Variants in RASSF8 observed in about 807,000 individuals in gnomAD.
The protein encoded by RASSF8 is Ras association domain family member 8.
A neutral mutation model predicts 48.5 loss-of-function variants in RASSF8; 22 were observed. The observed-to-expected ratio is 0.45, with a 90% CI of 0.32 to 0.65. The LOEUF is 0.65. Ranked by LOEUF, RASSF8 falls within the 30% of genes least tolerant of loss-of-function variation. The pLI is 0.03. For missense variants in RASSF8, 418 were observed against 489.2 expected (o/e 0.85, Z 1.37); for synonymous variants, 127 against 171.5 (o/e 0.74, Z 2.03).
intron 2 of RASSF8, among the ~76,000 whole-genome samples, chr12:26,033,407 T>A (rs890080211): frequency 6.6e-6 from 1 of 152,226 alleles, no homozygotes; most frequent in Non-Finnish European, 1.5e-5. Context: ...AATAATGAGA[T>A]CTTCCACATC....
chr12:26,024,560 C>CA (rs1942861125), intron 2 of RASSF8, among the ~76,000 whole-genome samples: 1 of 152,096 alleles, frequency 6.6e-6, no homozygotes, highest in African/African-American at 2.4e-5. Context: ...CAAAAATTCT[C>CA]AAAAAACACT....
intron 2 of RASSF8, among the ~76,000 whole-genome samples, chr12:26,048,750 TTTG>T (rs1565636008): frequency 1.3e-5 from 2 of 149,564 alleles, no homozygotes; most frequent in Admixed American, 6.9e-5. Context: ...GTTTGTTTGT[TTTG>T]TTTTGTTTTG....
At chr12:25,994,587 G>A (rs1032361573) in intron 1 of RASSF8, among the ~76,000 whole-genome samples, 5 of 152,280 alleles carry the variant, frequency 3.3e-5, no homozygotes, top group Middle Eastern at 3.4e-3. Context: ...GTGTATTTTT[G>A]TTTTTATTTT....
upstream of RASSF8, chr12:25,958,566 G>C (rs1045456475): frequency 6.7e-6 from 1 of 148,306 alleles, no homozygotes; most frequent in African/African-American, 2.4e-5. Context: ...CGGCCGAGGG[G>C]GGCGCCCCCG....
chr12:26,034,166 A>G (rs960088975), intron 2 of RASSF8, among the ~76,000 whole-genome samples: 5 of 152,050 alleles, frequency 3.3e-5, no homozygotes, highest in Admixed American at 3.3e-4. Flanking sequence ...GAGGTGGGCA[A>G]ATGGTAAGCA....
intron 1 of RASSF8, among the ~76,000 whole-genome samples, chr12:25,988,255 A>G (rs917756995): frequency 6.6e-6 from 1 of 152,202 alleles, no homozygotes; most frequent in Non-Finnish European, 1.5e-5. Context: ...TTTTGAGACC[A>G]TAAAGGGAAC....
intron 5 of RASSF8, chr12:26,078,975 A>G: frequency 6.7e-7 from 1 of 1,492,908 alleles, no homozygotes. Flanking sequence ...GTATACAAAA[A>G]CAAATTCACC....
intron 1 of RASSF8, among the ~76,000 whole-genome samples, chr12:25,963,558 C>G (rs576133797): frequency 6.6e-6 from 1 of 152,294 alleles, no homozygotes; most frequent in African/African-American, 2.4e-5. Context: ...TTTCCTCACA[C>G]CCTTAGAGTG....
chr12:26,061,768 C>T (rs1195904520), intron 3 of RASSF8, among the ~76,000 whole-genome samples: 1 of 151,954 alleles, frequency 6.6e-6, no homozygotes, highest in Non-Finnish European at 1.5e-5. Context: ...AATTTAATTC[C>T]TATATAAAAT....
At chr12:25,970,444 C>G (rs1941460232) in intron 1 of RASSF8, among the ~76,000 whole-genome samples, 1 of 152,136 alleles carries the variant, frequency 6.6e-6, no homozygotes, top group Non-Finnish European at 1.5e-5. Flanking sequence ...TCATCTAGTT[C>G]TGATTTTACC....
At chr12:26,074,590 G>T (rs370310794), downstream of RASSF8, among the ~76,000 whole-genome samples, 1 of 151,474 alleles carries the variant, frequency 6.6e-6, no homozygotes, top group African/African-American at 2.4e-5. Context: ...TGTTCCACCC[G>T]CCTCGTCCTC....
At chr12:26,041,044 C>T (rs887299407) in intron 2 of RASSF8, among the ~76,000 whole-genome samples, 7 of 117,070 alleles carry the variant, frequency 6.0e-5, no homozygotes, top group Admixed American at 2.4e-4. Context: ...CCCGCCACCG[C>T]GCCTGGTTAA....
Position 26,068,736 on chromosome 12 carries a change from C to T in RASSF8, c.1178C>T (p.Ser393Leu). 6.5e-7 allele frequency: 1 copy of T among 1,537,352 alleles called. No individual in the cohort carries two copies. Among genetic ancestry groups the T allele is most frequent in the South Asian group, 1.2e-5 (1 of 84,056 alleles). ...FQSGSLKRPG[S>L]SRQLPSNLRI... ...TCTGGGTCCCTGAAGCGACCTGGTT[C>T]ATCTCGGCAGCTCCCCAGTAATCTC... Residue 393 changes from serine to leucine, a missense_variant, in exon 6 of 6, where the codon TCA (serine) becomes TTA (leucine). Transcript: ENST00000689635.
intron 2 of RASSF8, among the ~76,000 whole-genome samples, chr12:26,050,004 T>TG (rs1358543711): frequency 6.6e-6 from 1 of 152,240 alleles, no homozygotes; most frequent in East Asian, 1.9e-4. Flanking sequence ...AGGATGGTCT[T>TG]GATCTCCAGA....
At chr12:26,066,336 A>C (rs1216827801) in intron 4 of RASSF8, among the ~76,000 whole-genome samples, 1 of 152,208 alleles carries the variant, frequency 6.6e-6, no homozygotes, top group South Asian at 2.1e-4. Context: ...AGGATGCCCA[A>C]GTAATACCTG....
At chr12:26,024,958 CAAAAA>C (rs1232462073) in intron 2 of RASSF8, among the ~76,000 whole-genome samples, 1 of 142,440 alleles carries the variant, frequency 7.0e-6, no homozygotes, top group African/African-American at 2.6e-5. Context: ...GACTCCGTCT[CAAAAA>C]AAAAAGTCAA....
rs1445442195 is a variant in RASSF8 at position 25,958,850 on chromosome 12, TG to T, written c.-496del. The T allele has an allele frequency of 2.1e-5, 3 of 146,068 alleles. No individual in the cohort carries two copies. Among genetic ancestry groups the T allele is most frequent in the African/African-American group, 4.9e-5 (2 of 40,634 alleles). 9.0% of individuals were successfully genotyped at this position (146,068 alleles called of 1,614,324 possible). Reference sequence around the variant, plus strand: ...TTCCCGCCCGCGGCGGCGTTGGCGCTGGGGGCGGCTCCCGCGGCGTCTCTGC... The same window carrying T: ...TTCCCGCCCGCGGCGGCGTTGGCGCTGGGGCGGCTCCCGCGGCGTCTCTGC... On this transcript the variant is annotated 5_prime_UTR_variant, in exon 1 of 6. Transcript: ENST00000689635.
chr12:25,981,392 G>A (rs1397908023), intron 1 of RASSF8, among the ~76,000 whole-genome samples: 6 of 152,118 alleles, frequency 3.9e-5, no homozygotes, highest in Non-Finnish European at 8.8e-5. Context: ...AAAACTAAGG[G>A]CCATGATCCT....
At chr12:25,986,188 C>T (rs12304275) in intron 1 of RASSF8, among the ~76,000 whole-genome samples, 17,116 of 151,960 alleles carry the variant, frequency 0.11, 1,063 homozygotes, top group Middle Eastern at 0.17. Flanking sequence ...TCAGATGTAC[C>T]CAGAGGATAG....
Sources: allele counts gnomAD v4.1 joint callset (sites outside exome capture counted in the v4.1 genomes callset), GRCh38; gene constraint gnomAD v4.1.1; transcripts MANE v1.5; gene names NCBI Gene and HGNC (gene_info 2026-07-23, HGNC 2026-07-21).